The following PPARG variants were observed in gnomAD, a reference collection of about 807,000 sequenced individuals.
The protein encoded by PPARG is peroxisome proliferator activated receptor gamma, also known as peroxisome proliferator-activated receptor gamma.
In PPARG, 17 loss-of-function variants were observed where a neutral mutation model predicts 39.2. That is an observed-to-expected ratio of 0.43 (90% CI 0.30 to 0.65). The LOEUF is 0.65. PPARG is among the 30% of genes least tolerant of loss of function. The probability of loss-of-function intolerance (pLI) is 0.13; values close to 1 mark genes in which losing one functional copy is unlikely to be tolerated. For synonymous variants in PPARG, 223 were observed against 215.7 expected, an observed-to-expected ratio of 1.03 and a Z score of -0.30; for missense variants, 406 against 585.9, an observed-to-expected ratio of 0.69 and a Z score of 3.17.
intron 7 of PPARG, 103 bp from the exon 8 acceptor site, chr3:12,433,795 A>G (rs1003112653): frequency 6.5e-7 from 1 of 1,546,096 alleles, no homozygotes; most frequent in East Asian, 2.2e-5. Flanking sequence ...CAAACCAAAA[A>G]TACAGATGAG....
intron 1 of PPARG, among the ~76,000 whole-genome samples, chr3:12,309,423 T>C (rs1404982088): frequency 3.3e-5 from 5 of 152,194 alleles, no homozygotes; most frequent in South Asian, 4.1e-4. Context: ...GGTTCATTAT[T>C]TTAATAGAGG....
At chr3:12,387,966 A>T (rs1361790187) in intron 4 of PPARG, among the ~76,000 whole-genome samples, 1 of 152,158 alleles carries the variant, frequency 6.6e-6, no homozygotes, top group Non-Finnish European at 1.5e-5. Flanking sequence ...CAAATAACTG[A>T]GCGCTCTGTG....
At chr3:12,351,015 GATACCAACGTTT>G (rs754389980) in intron 2 of PPARG, among the ~76,000 whole-genome samples, 4 of 152,124 alleles carry the variant, frequency 2.6e-5, no homozygotes, top group Non-Finnish European at 5.9e-5. Flanking sequence ...GTAGCATGCT[GATACCAACGTTT>G]AAACTATGGA....
intron 1 of PPARG, among the ~76,000 whole-genome samples, chr3:12,303,141 A>G (rs1417284669): frequency 6.6e-6 from 1 of 152,172 alleles, no homozygotes; most frequent in Non-Finnish European, 1.5e-5. Flanking sequence ...TGCCAGAGTT[A>G]GAAGACCGCT....
intron 7 of PPARG, among the ~76,000 whole-genome samples, chr3:12,422,831 G>A (rs1040574169): frequency 1.3e-5 from 2 of 151,476 alleles, no homozygotes; most frequent in Non-Finnish European, 2.9e-5. Context: ...CCAGTGAGCT[G>A]TGATTGTGCC....
At chr3:12,339,236 G>C in intron 2 of PPARG, among the ~76,000 whole-genome samples, 1 of 152,092 alleles carries the variant, frequency 6.6e-6, no homozygotes, top group East Asian at 1.9e-4. Context: ...CCATTTATCT[G>C]AAATGTCTAA....
intron 2 of PPARG, among the ~76,000 whole-genome samples, chr3:12,343,098 T>C (rs1354701478): frequency 6.6e-6 from 1 of 151,946 alleles, no homozygotes; most frequent in Admixed American, 6.5e-5. Flanking sequence ...AAACAGTAGG[T>C]CTAAGACACG....
intron 2 of PPARG, among the ~76,000 whole-genome samples, chr3:12,325,285 G>A (rs2047660805): frequency 6.6e-6 from 1 of 152,176 alleles, no homozygotes. Context: ...GCCAGGTGTG[G>A]TGGCAGGCAC....
intron 6 of PPARG, among the ~76,000 whole-genome samples, chr3:12,409,469 T>TC (rs2050797435): frequency 6.6e-6 from 1 of 152,204 alleles, no homozygotes; most frequent in Admixed American, 6.5e-5. Flanking sequence ...ATTTGTTCTT[T>TC]ATCTACATGG....
At chr3:12,400,000 A>T (rs570058182) in intron 5 of PPARG, among the ~76,000 whole-genome samples, 6 of 151,478 alleles carry the variant, frequency 4.0e-5, no homozygotes, top group African/African-American at 1.2e-4. Flanking sequence ...AAAAAAAAAA[A>T]TTTTAAAGAG....
At chr3:12,323,192 GATAA>G (rs1392338318) in intron 2 of PPARG, among the ~76,000 whole-genome samples, 1 of 152,196 alleles carries the variant, frequency 6.6e-6, no homozygotes, top group Non-Finnish European at 1.5e-5. Flanking sequence ...ATTTTTGGCT[GATAA>G]ATAGAGAAAT....
intron 6 of PPARG, among the ~76,000 whole-genome samples, chr3:12,409,901 C>T (rs1272977638): frequency 6.6e-6 from 1 of 152,230 alleles, no homozygotes; most frequent in Middle Eastern, 3.2e-3. Flanking sequence ...ACTAATCTTC[C>T]TTCTCCTGTA....
At chr3:12,398,843 C>G (rs1227256713) in intron 5 of PPARG, among the ~76,000 whole-genome samples, 1 of 152,156 alleles carries the variant, frequency 6.6e-6, no homozygotes, top group Non-Finnish European at 1.5e-5. Context: ...TTTGGTAAAT[C>G]CCAGTGAGCG....
Position 12,418,454 on chromosome 3 carries a change from C to T in PPARG, c.1180+1300C>T, listed in dbSNP as rs376688913. Among the ~76,000 whole-genome samples the T allele has an allele frequency of 2.7e-4, 41 of 152,334 alleles. 1 individual carries two copies. In the South Asian group the frequency reaches 8.1e-3, roughly 30 times the overall value. On this transcript the variant is annotated intron_variant, in intron 7 of 7. Transcript: ENST00000651735. ...GGGGATAGTGGTAAACTGTATATAA[C>T]TGCACAATGTATTATAAAGAGCACG...
At chr3:12,296,648 G>A (rs543730293) in intron 1 of PPARG, among the ~76,000 whole-genome samples, 1 of 152,308 alleles carries the variant, frequency 6.6e-6, no homozygotes, top group South Asian at 2.1e-4. Flanking sequence ...AAGCTCAGTA[G>A]TGGTGTCAAT....
chr3:12,372,285 G>A (rs2049245887), intron 2 of PPARG, among the ~76,000 whole-genome samples: 1 of 152,192 alleles, frequency 6.6e-6, no homozygotes. Flanking sequence ...AGATCAGGAA[G>A]AAATAATGTT....
intron 2 of PPARG, among the ~76,000 whole-genome samples, chr3:12,337,587 G>A (rs1310264083): frequency 6.6e-6 from 1 of 152,088 alleles, no homozygotes; most frequent in East Asian, 1.9e-4. Context: ...CTTGAAAAAT[G>A]GGGACTTAAG....
intron 1 of PPARG, among the ~76,000 whole-genome samples, chr3:12,306,929 T>C (rs1300298000): frequency 6.6e-6 from 1 of 151,744 alleles, no homozygotes; most frequent in Non-Finnish European, 1.5e-5. Context: ...TAACCCCATC[T>C]CTACTAAAAA....
chr3:12,327,365 A>G (rs2047724103), intron 2 of PPARG, among the ~76,000 whole-genome samples: 1 of 152,216 alleles, frequency 6.6e-6, no homozygotes, highest in Non-Finnish European at 1.5e-5. Flanking sequence ...CTTTATATTT[A>G]GATAATTTGA....
Sources: allele counts gnomAD v4.1 joint callset (sites outside exome capture counted in the v4.1 genomes callset), GRCh38; gene constraint gnomAD v4.1.1; transcripts MANE v1.5; gene names NCBI Gene and HGNC (gene_info 2026-07-23, HGNC 2026-07-21).